SUPT3H: variants seen among roughly 807,000 people sequenced by gnomAD.
The protein encoded by SUPT3H is transcription initiation protein SPT3 homolog.
A neutral mutation model predicts 44.3 loss-of-function variants in SUPT3H; 44 were observed. That is an observed-to-expected ratio of 0.99 (90% CI 0.78 to 1.28). The LOEUF is 1.28. Ranked by LOEUF, SUPT3H falls within the 50% of genes most tolerant of loss-of-function variation. The pLI is 0.00. For missense variants in SUPT3H, 380 were observed against 387.1 expected (o/e 0.98, Z 0.15); for synonymous variants, 124 against 125.6 (o/e 0.99, Z 0.09).
chr6:45,112,025 T>G lies in SUPT3H; in HGVS notation c.102-6019A>C, dbSNP rs115708993. Among the ~76,000 whole-genome samples the G allele has an allele frequency of 5.7e-3, 865 of 152,332 alleles. 10 individuals carry two copies. Among genetic ancestry groups the G allele is most frequent in the Non-Finnish European group, 8.6e-3 (584 of 68,022 alleles). ...TCTGGTTCTAGTTCCCACTATGCTA[T>G]TAAGAAGTACTGCAATGAGCAGGTA... On this transcript the variant is annotated intron_variant, in intron 2 of 10. Coordinates refer to ENST00000371459, the MANE Select transcript of SUPT3H (RefSeq NM_003599.4).
intron 2 of SUPT3H, among the ~76,000 whole-genome samples, chr6:45,256,463 G>T (rs894815975): frequency 1.3e-5 from 2 of 151,978 alleles, no homozygotes; most frequent in Admixed American, 1.3e-4. Flanking sequence ...TGAGGGCAGA[G>T]CCCTCATTAC....
chr6:45,111,919 T>C (rs935220744), intron 2 of SUPT3H, among the ~76,000 whole-genome samples: 1 of 152,122 alleles, frequency 6.6e-6, no homozygotes, highest in Non-Finnish European at 1.5e-5. Context: ...ATAATGCTGC[T>C]AGAAGTCATA....
chr6:44,905,786 A>G (rs193229508), intron 10 of SUPT3H, among the ~76,000 whole-genome samples: 3,433 of 152,340 alleles, frequency 0.023, 126 homozygotes, highest in African/African-American at 0.078. Flanking sequence ...TCCAACCAAC[A>G]ATGATAGACT....
intron 2 of SUPT3H, among the ~76,000 whole-genome samples, chr6:45,184,300 A>G (rs1330016269): frequency 6.6e-6 from 1 of 152,174 alleles, no homozygotes; most frequent in Non-Finnish European, 1.5e-5. Flanking sequence ...TATGTTATAT[A>G]TATTTTACCA....
intron 3 of SUPT3H, among the ~76,000 whole-genome samples, chr6:45,040,051 T>C (rs946309910): frequency 6.6e-6 from 1 of 152,194 alleles, no homozygotes; most frequent in African/African-American, 2.4e-5. Flanking sequence ...ACTGCCCTTA[T>C]ACCATCTGCA....
In SUPT3H at chr6:45,289,951, C is replaced by T. The variant is rs142356159; in HGVS notation, c.101+75250G>A. Among the ~76,000 whole-genome samples the T allele has an allele frequency of 7.1e-4, 108 of 152,254 alleles. 1 individual carries two copies. Among genetic ancestry groups the T allele is most frequent in the African/African-American group, 1.8e-3 (76 of 41,552 alleles). On this transcript the variant is annotated intron_variant, in intron 2 of 10. Transcript: ENST00000371459. ...AGTCACCTAGCATGTTGGAGGCTGA[C>T]GCAGGAGGACTGCTTGAGCCCAGGA...
chr6:45,259,623 T>C (rs1418419674), intron 2 of SUPT3H, among the ~76,000 whole-genome samples: 2 of 100,880 alleles, frequency 2.0e-5, no homozygotes, highest in Non-Finnish European at 2.9e-5. Context: ...CTGATTAGTA[T>C]AGAAGTATCA....
At chr6:45,303,913 A>G (rs1782571840) in intron 2 of SUPT3H, among the ~76,000 whole-genome samples, 1 of 151,850 alleles carries the variant, frequency 6.6e-6, no homozygotes, top group Non-Finnish European at 1.5e-5. Context: ...GAATTGCTTG[A>G]ACCCAGGAGG....
At chr6:45,109,565 T>TG (rs2153573167) in intron 2 of SUPT3H, among the ~76,000 whole-genome samples, 1 of 152,324 alleles carries the variant, frequency 6.6e-6, no homozygotes, top group African/African-American at 2.4e-5. Context: ...TTACAATGAC[T>TG]GGTATCAGGT....
At chr6:44,963,497 C>T (rs1776347889) in intron 6 of SUPT3H, among the ~76,000 whole-genome samples, 1 of 151,686 alleles carries the variant, frequency 6.6e-6, no homozygotes, top group South Asian at 2.1e-4. Context: ...CTCAAACAAA[C>T]AAACAAACAA....
intron 2 of SUPT3H, among the ~76,000 whole-genome samples, chr6:45,315,672 G>T (rs1353526215): frequency 2.0e-5 from 3 of 152,138 alleles, no homozygotes; most frequent in African/African-American, 7.2e-5. Flanking sequence ...CTTCTACACT[G>T]CTGGTAGGAA....
At chr6:45,142,764 A>AAAAAAAAAAAG (rs1805441110) in intron 2 of SUPT3H, among the ~76,000 whole-genome samples, 6 of 127,032 alleles carry the variant, frequency 4.7e-5, no homozygotes, top group African/African-American at 8.7e-5. Flanking sequence ...AAAAAAAAAA[A>AAAAAAAAAAAG]GCAGAATGGC....
chr6:45,253,848 C>CATATATATATACATAT (rs1772812210), intron 2 of SUPT3H, among the ~76,000 whole-genome samples: 1 of 88,748 alleles, frequency 1.1e-5, no homozygotes, highest in Non-Finnish European at 2.2e-5. Context: ...CACATATACG[C>CATATATATATACATAT]ATATATATAT....
At chr6:45,269,305 C>A (rs1775742443) in intron 2 of SUPT3H, among the ~76,000 whole-genome samples, 1 of 152,160 alleles carries the variant, frequency 6.6e-6, no homozygotes. Flanking sequence ...AATAATACCA[C>A]ATTCCTCATT....
At chr6:45,298,500 A>C (rs1781632617) in intron 2 of SUPT3H, among the ~76,000 whole-genome samples, 1 of 152,096 alleles carries the variant, frequency 6.6e-6, no homozygotes, top group South Asian at 2.1e-4. Context: ...CATATGAAGA[A>C]TATTCATTAA....
intron 2 of SUPT3H, among the ~76,000 whole-genome samples, chr6:45,211,878 C>A (rs1449421723): frequency 1.3e-5 from 2 of 149,680 alleles, no homozygotes; most frequent in African/African-American, 4.9e-5. Flanking sequence ...AGAGAGAATT[C>A]TTCAGCCAGG....
chr6:44,911,332 T>C (rs1200673701), intron 10 of SUPT3H, among the ~76,000 whole-genome samples: 2 of 152,140 alleles, frequency 1.3e-5, no homozygotes, highest in African/African-American at 2.4e-5. Context: ...ATTAGGATGT[T>C]TTTTCCTTTG....
chr6:44,909,106 G>T (rs937468912), intron 10 of SUPT3H, among the ~76,000 whole-genome samples: 19 of 148,854 alleles, frequency 1.3e-4, no homozygotes, highest in Admixed American at 1.1e-3. Flanking sequence ...GTATCTTTCT[G>T]CTGCTCTATA....
intron 3 of SUPT3H, among the ~76,000 whole-genome samples, chr6:45,046,251 A>G (rs1239351780): frequency 6.6e-6 from 1 of 152,118 alleles, no homozygotes; most frequent in African/African-American, 2.4e-5. Context: ...GCTTGTCTTT[A>G]TATCTGCATT....
Sources: gnomAD v4.1 joint callset for allele counts (sites outside exome capture counted in the v4.1 genomes callset) on GRCh38, gnomAD v4.1.1 for gene constraint, MANE v1.5 for transcripts, NCBI Gene and HGNC (gene_info 2026-07-23, HGNC 2026-07-21) for gene names.